Variants in S100A14 observed in about 807,000 individuals in gnomAD.
S100A14 encodes the protein protein S100-A14.
In S100A14, 6 loss-of-function variants were observed where a neutral mutation model predicts 10.6. The ratio of observed to expected loss-of-function variants is 0.57; its 90% confidence interval spans 0.31 to 1.12. The LOEUF (loss-of-function observed/expected upper bound fraction) is 1.12, where lower values mean the gene tolerates loss of function less well. Among genes scored for constraint, S100A14 ranks in the 50% most tolerant of loss-of-function variants. The probability of loss-of-function intolerance (pLI) is 0.06; values close to 1 mark genes in which losing one functional copy is unlikely to be tolerated. For missense variants in S100A14, 121 were observed against 128.7 expected (o/e 0.94, Z 0.29); for synonymous variants, 51 against 51.0 (o/e 1.00, Z 0.00).
chr1:153,615,346 A>G lies in S100A14; in HGVS notation c.66T>C (p.Ile22=). Residue 22 remains isoleucine, a synonymous_variant, in exon 3 of 4, where the codon ATT becomes ATC. Transcript: ENST00000344616. ...GGTGAAAGTTCTTGATGAGGGTCTC[A>G]ATGGCCCTCTCCACATCACTGAATT... The part of the protein sequence containing the change: ...AQEFSDVERA[I]ETLIKNFHQY... The G allele has an allele frequency of 1.2e-6, 2 of 1,613,770 alleles. No individual in the cohort carries two copies. Among genetic ancestry groups the G allele is most frequent in the Non-Finnish European group, 1.7e-6 (2 of 1,179,866 alleles).
At chr1:153,615,771 C>A (rs1666949507) in intron 2 of S100A14, 58 bp downstream of exon 2, 10 of 1,583,708 alleles carry the variant, frequency 6.3e-6, no homozygotes, top group Middle Eastern at 1.7e-4. Context: ...GGGACATAGA[C>A]CCTCAGGGTG....
chr1:153,614,898 AC>A lies in S100A14; in HGVS notation c.301del (p.Val101SerfsTer35), dbSNP rs1403010556. ...CAGAGGGAGTTCTCAGTGCCCCCGG[AC>A]AGGCCTCTCCAGCTTCACACTCTTG... ...AAKSVKLERP[V>X]RGH On this transcript the variant is annotated frameshift_variant, in exon 4 of 4. Coordinates refer to ENST00000344616, the MANE Select transcript of S100A14 (RefSeq NM_020672.3). LOFTEE classifies it high-confidence loss of function. 2 of 1,613,754 alleles carry A rather than the reference AC, an allele frequency of 1.2e-6. No individual in the cohort carries two copies. The highest frequency in any genetic ancestry group is 3.3e-5 in the Admixed American group (2 of 59,998).
chr1:153,615,669 C>G (rs1019084281), intron 2 of S100A14, among the ~76,000 whole-genome samples, 160 bp downstream of exon 2: 1 of 152,222 alleles, frequency 6.6e-6, no homozygotes, highest in African/African-American at 2.4e-5. Context: ...CCATCTGCAT[C>G]ACCCTGTGTG....
rs1368850584 is a variant in S100A14 at position 153,614,378 on chromosome 1, C to G, written c.*507G>C. ...CACTCTCCTCAGCCTCTCCCCCAAC[C>G]CTGCTCTCCCTCCTCCCCTGCCCTA... On this transcript the variant is annotated 3_prime_UTR_variant, in exon 4 of 4. Transcript: ENST00000344616. 6.5e-6 allele frequency: 1 copy of G among 154,940 alleles called. No individual in the cohort carries two copies. Among genetic ancestry groups the G allele is most frequent in the Non-Finnish European group, 1.4e-5 (1 of 69,762 alleles). The allele number at this position is 154,940 out of a possible 1,614,324, so 9.6% of individuals were successfully genotyped here.
chr1:153,614,861 C>A lies in S100A14; in HGVS notation c.*24G>T, dbSNP rs772218303. 3 of 1,610,938 alleles carry A rather than the reference C, an allele frequency of 1.9e-6. No homozygotes were observed. Among genetic ancestry groups the A allele is most frequent in the Non-Finnish European group, 2.5e-6 (3 of 1,178,516 alleles). On this transcript the variant is annotated 3_prime_UTR_variant, in exon 4 of 4. Coordinates refer to ENST00000344616, the MANE Select transcript of S100A14 (RefSeq NM_020672.3). ...AGGCCCACAGTCTCTCCCCAACACC[C>A]CCCAAGAATTCCAGAGGGAGTTCTC...
chr1:153,615,889 A>C lies in S100A14; in HGVS notation c.-31T>G. On this transcript the variant is annotated 5_prime_UTR_variant, in exon 2 of 4. Transcript: ENST00000344616. Reference sequence around the variant, plus strand: ...CCACTGTGTCTGGTCCTTTGGTGAGAGTTCTGTTGTCCTATAGCTGGCCCC... The same window carrying C: ...CCACTGTGTCTGGTCCTTTGGTGAGCGTTCTGTTGTCCTATAGCTGGCCCC... 1 of 1,613,020 alleles carries C rather than the reference A, an allele frequency of 6.2e-7. No homozygotes were observed. The highest frequency in any genetic ancestry group is 1.3e-5 in the African/African-American group (1 of 74,980).
At position 153,615,319 on chromosome 1, in the gene S100A14, C is replaced by T. The variant is rs1557916745; in HGVS notation, c.93G>A (p.Gln31=). Residue 31 remains glutamine (Q), a synonymous_variant, in exon 3 of 4, where the codon CAG becomes CAA. Coordinates refer to ENST00000344616, the MANE Select transcript of S100A14 (RefSeq NM_020672.3). ...AIETLIKNFH[Q]YSVEGGKETL... Reference sequence around the variant, plus strand: ...TCTCCTTCCCACCCTCCACGGAGTACTGGTGAAAGTTCTTGATGAGGGTCT... The same window carrying T: ...TCTCCTTCCCACCCTCCACGGAGTATTGGTGAAAGTTCTTGATGAGGGTCT... 1 of 1,614,002 alleles carries T rather than the reference C, an allele frequency of 6.2e-7. No individual in the cohort carries two copies.
At chr1:153,616,228 C>A in intron 1 of S100A14, 67 bp downstream of exon 1, 1 of 223,170 alleles carries the variant, frequency 4.5e-6, no homozygotes, top group Non-Finnish European at 9.3e-6. Flanking sequence ...TCCCCCAGCT[C>A]TTACCCTAAG....
At chr1:153,615,734 C>T in intron 2 of S100A14, 95 bp downstream of exon 2, 1 of 1,374,576 alleles carries the variant, frequency 7.3e-7, no homozygotes, top group Non-Finnish European at 1.0e-6. Flanking sequence ...CAGGGCAAGG[C>T]CAAGGTGAAG....
rs1322102042 is a variant in S100A14 at position 153,614,416 on chromosome 1, A to G, written c.*469T>C. On this transcript the variant is annotated 3_prime_UTR_variant, in exon 4 of 4. Coordinates refer to ENST00000344616, the MANE Select transcript of S100A14 (RefSeq NM_020672.3). ...CTCCCCTGCCCTAGCCCAGGGACAG[A>G]GTCTAGGAGGAGCCTGGGGCAGAGC... is the stretch of plus-strand genomic sequence containing the variant. 1 of 155,802 alleles carries G rather than the reference A, an allele frequency of 6.4e-6. No homozygotes were observed. The highest frequency in any genetic ancestry group is 1.4e-5 in the Non-Finnish European group (1 of 70,336). The allele number at this position is 155,802 out of a possible 1,614,324, so 9.7% of individuals were successfully genotyped here.
chr1:153,615,181 C>T (rs1666934332), intron 3 of S100A14, 54 bp downstream of exon 3: 5 of 1,605,148 alleles, frequency 3.1e-6, no homozygotes, highest in Admixed American at 3.4e-5. Context: ...GGTCCCGGAG[C>T]ACTTGCTTGG....
intron 2 of S100A14, 71 bp downstream of exon 2, chr1:153,615,758 G>A (rs1162803881): frequency 3.3e-6 from 5 of 1,524,248 alleles, no homozygotes; most frequent in African/African-American, 1.4e-5. Context: ...AGAAGTCAGT[G>A]GGGGGACATA....
chr1:153,616,114 G>A lies in S100A14; in HGVS notation c.-78-178C>T, dbSNP rs558370820. On this transcript the variant is annotated intron_variant, in intron 1 of 3. Transcript: ENST00000344616. ...CCAAGGTCATATCCCCCAGGCCAAC[G>A]CATCTAGGGGGAATCCCTTGGAACT... is the stretch of plus-strand genomic sequence containing the variant. The A allele has an allele frequency of 3.1e-4, 142 of 452,730 alleles. No homozygotes were observed. The East Asian group carries it at 4.3e-3, about 14-fold the overall frequency. 28.0% of individuals were successfully genotyped at this position (452,730 alleles called of 1,614,324 possible). A position where few individuals can be genotyped will look rare whatever the true frequency, so the allele number is the denominator to read the frequency against.
intron 2 of S100A14, 53 bp from the exon 3 acceptor site, chr1:153,615,434 C>G (rs1267488543): frequency 1.3e-6 from 2 of 1,584,686 alleles, no homozygotes; most frequent in Non-Finnish European, 1.7e-6. Context: ...ACCCCAAAAC[C>G]CTGCTTCTCC....
intron 2 of S100A14, 131 bp from the exon 3 acceptor site, chr1:153,615,512 C>G (rs1029560889): frequency 9.2e-7 from 1 of 1,084,066 alleles, no homozygotes; most frequent in African/African-American, 1.6e-5. Context: ...CACTCCAGAG[C>G]CCAGAATCTA....
At position 153,615,284 on chromosome 1, in the gene S100A14, G is replaced by T. The variant is rs149780391; in HGVS notation, c.128C>A (p.Pro43His). The T allele has an allele frequency of 1.4e-5, 23 of 1,613,896 alleles. No individual in the cohort carries two copies. The highest frequency in any genetic ancestry group is 1.8e-5 in the Non-Finnish European group (21 of 1,180,000). Residue 43 changes from proline (P) to histidine (H), a missense_variant, in exon 3 of 4, where the codon CCT becomes CAT. Pro to His is a moderately conservative substitution (Grantham distance 77). Coordinates refer to ENST00000344616, the MANE Select transcript of S100A14 (RefSeq NM_020672.3). ...GGTGACCAGGTCCCGTAGCTCAGAAGGGGTCAGCGTCTCCTTCCCACCCTC... is the reference window on the plus strand; with the variant it reads ...GGTGACCAGGTCCCGTAGCTCAGAATGGGTCAGCGTCTCCTTCCCACCCTC... Reference protein sequence around the residue: ...SVEGGKETLTPSELRDLVTQQ... With the variant: ...SVEGGKETLTHSELRDLVTQQ...
intron 2 of S100A14, 62 bp downstream of exon 2, chr1:153,615,767 T>C: frequency 6.4e-7 from 1 of 1,572,038 alleles, no homozygotes; most frequent in Non-Finnish European, 8.8e-7. Flanking sequence ...TGGGGGGACA[T>C]AGACCCTCAG....
At position 153,614,588 on chromosome 1, in the gene S100A14, C is replaced by T; in HGVS notation, c.*297G>A. On this transcript the variant is annotated 3_prime_UTR_variant, in exon 4 of 4. Coordinates refer to ENST00000344616, the MANE Select transcript of S100A14 (RefSeq NM_020672.3). ...ATTCAAATCATTTCCCATAGCCCAG[C>T]TCCTCTCTGTTCTCCCCCTACTACC... 3.1e-6 allele frequency: 1 copy of T among 321,142 alleles called. No individual in the cohort carries two copies. The allele number at this position is 321,142 out of a possible 1,614,324, so 19.9% of individuals were successfully genotyped here. A position where few individuals can be genotyped will look rare whatever the true frequency, so the allele number is the denominator to read the frequency against.
At chr1:153,616,053 A>G (rs927365242) in intron 1 of S100A14, 117 bp from the exon 2 acceptor site, 2 of 558,908 alleles carry the variant, frequency 3.6e-6, no homozygotes, top group African/African-American at 3.7e-5. Context: ...CAAAACCAAC[A>G]CCACATAGGC....
Sources: allele counts gnomAD v4.1 joint callset (sites outside exome capture counted in the v4.1 genomes callset), GRCh38; gene constraint gnomAD v4.1.1; transcripts MANE v1.5; gene names NCBI Gene and HGNC (gene_info 2026-07-23, HGNC 2026-07-21).